Variants in SGCD observed in about 807,000 individuals in gnomAD.
SGCD encodes the protein delta-sarcoglycan.
Under a neutral mutation model 36.6 loss-of-function variants are expected in SGCD, and 18 were observed. The ratio of observed to expected loss-of-function variants is 0.49; its 90% CI spans 0.34 to 0.73. The LOEUF (loss-of-function observed/expected upper bound fraction) is 0.73. Among genes scored for constraint, SGCD ranks in the 30% least tolerant of loss-of-function variants. SGCD has a pLI of 0.01. For missense variants in SGCD, 387 were observed against 346.7 expected (o/e 1.12, Z -0.92); for synonymous variants, 133 against 130.6 (o/e 1.02, Z -0.12).
At chr5:155,796,779 C>T in the SGCD span, among the ~76,000 whole-genome samples, 2 of 116,340 alleles carry the variant, frequency 1.7e-5, no homozygotes, top group Middle Eastern at 0.013. Context: ...GCACTCCAGC[C>T]TGGGCAACAA....
chr5:156,470,631 T>TTTTTCTATCA (rs1695933801), intron 3 of SGCD, among the ~76,000 whole-genome samples: 1 of 152,138 alleles, frequency 6.6e-6, no homozygotes, highest in Non-Finnish European at 1.5e-5. Context: ...ACTGAGAATT[T>TTTTTCTATCA]TTTTCTATCA....
At chr5:156,600,937 T>C (rs530714881) in intron 6 of SGCD, among the ~76,000 whole-genome samples, 1 of 152,346 alleles carries the variant, frequency 6.6e-6, no homozygotes, top group Admixed American at 6.5e-5. Flanking sequence ...CATATTTTCA[T>C]ATACCTGTTG....
At chr5:156,597,865 C>G (rs1014609776) in intron 6 of SGCD, among the ~76,000 whole-genome samples, 25 of 152,140 alleles carry the variant, frequency 1.6e-4, no homozygotes, top group African/African-American at 6.0e-4. Context: ...ATTTTTATCA[C>G]CCCTGTTTTA....
chr5:156,584,084 C>T (rs905702678), intron 4 of SGCD, among the ~76,000 whole-genome samples: 2 of 152,168 alleles, frequency 1.3e-5, no homozygotes, highest in South Asian at 4.1e-4. Context: ...CAAAATTAAA[C>T]ATTTCTGTTC....
At chr5:156,427,607 G>A (rs1024497525) in intron 3 of SGCD, among the ~76,000 whole-genome samples, 1 of 152,034 alleles carries the variant, frequency 6.6e-6, no homozygotes, top group Non-Finnish European at 1.5e-5. Flanking sequence ...GCATCCTTGT[G>A]TTGTTCCATT....
intron 6 of SGCD, among the ~76,000 whole-genome samples, chr5:156,622,877 T>C (rs981340415): frequency 5.3e-5 from 8 of 152,144 alleles, no homozygotes; most frequent in Non-Finnish European, 1.0e-4. Flanking sequence ...AGGGTGACTT[T>C]TCTAGGTTTT....
At position 156,767,772 on chromosome 5, in the gene SGCD, G is replaced by T. The variant is rs1757620484; in HGVS notation, c.*8382G>T. 1 of 152,084 alleles carries T rather than the reference G, an allele frequency of 6.6e-6. No homozygotes were observed. Among genetic ancestry groups the T allele is most frequent in the Non-Finnish European group, 1.5e-5 (1 of 68,020 alleles). The allele number at this position is 152,084 out of a possible 1,614,324, so 9.4% of individuals were successfully genotyped here. A position where few individuals can be genotyped will look rare whatever the true frequency, so the allele number is the denominator to read the frequency against. ...TGTAAAATATATTAATAAAAATAAT[G>T]ATTGGTAAGAAGGAAAGCACCCTTG... On this transcript the variant is annotated 3_prime_UTR_variant, in exon 9 of 9. Coordinates refer to ENST00000337851, the MANE Select transcript of SGCD (RefSeq NM_000337.6).
intron 7 of SGCD, among the ~76,000 whole-genome samples, chr5:156,707,424 ACT>A (rs1328823853): frequency 6.6e-6 from 1 of 152,194 alleles, no homozygotes; most frequent in Non-Finnish European, 1.5e-5. Flanking sequence ...ATTTTAATGC[ACT>A]ATCAGATCTT....
chr5:156,388,688 G>T (rs182232771), intron 3 of SGCD, among the ~76,000 whole-genome samples: 1 of 152,290 alleles, frequency 6.6e-6, no homozygotes, highest in East Asian at 1.9e-4. Context: ...CAGCAATGTT[G>T]TGATTCTTCT....
At chr5:156,430,097 T>G (rs1197817782) in intron 3 of SGCD, among the ~76,000 whole-genome samples, 1 of 152,194 alleles carries the variant, frequency 6.6e-6, no homozygotes, top group Non-Finnish European at 1.5e-5. Context: ...TTTCTTCAAT[T>G]ACTTCCTCAA....
chr5:156,168,815 A>C (rs185748444), intron 3 of SGCD, among the ~76,000 whole-genome samples: 1 of 152,312 alleles, frequency 6.6e-6, no homozygotes, highest in East Asian at 1.9e-4. Flanking sequence ...GCTCTGAGAG[A>C]TAGAAGAGTA....
intron 1 of SGCD, among the ~76,000 whole-genome samples, chr5:155,919,282 T>C (rs1033889154): frequency 2.6e-5 from 4 of 152,234 alleles, no homozygotes; most frequent in Non-Finnish European, 5.9e-5. Flanking sequence ...TAGTACATGA[T>C]TGAGTTACGA....
chr5:156,552,274 G>C (rs1242231932), intron 4 of SGCD, among the ~76,000 whole-genome samples: 1 of 152,164 alleles, frequency 6.6e-6, no homozygotes, highest in Non-Finnish European at 1.5e-5. Flanking sequence ...TCTTCTTGGT[G>C]ACCAATTCAG....
At chr5:156,612,902 G>A (rs369112084) in intron 6 of SGCD, among the ~76,000 whole-genome samples, 22 of 152,286 alleles carry the variant, frequency 1.4e-4, no homozygotes, top group African/African-American at 5.1e-4. Context: ...AATTGCATTC[G>A]GGGCCTATAA....
chr5:156,507,644 G>A (rs1201573465), intron 3 of SGCD, among the ~76,000 whole-genome samples: 1 of 152,076 alleles, frequency 6.6e-6, no homozygotes, highest in Non-Finnish European at 1.5e-5. Flanking sequence ...AACGAATAGA[G>A]GAACACATTA....
At chr5:156,518,102 G>A (rs573511942) in intron 4 of SGCD, among the ~76,000 whole-genome samples, 2 of 152,082 alleles carry the variant, frequency 1.3e-5, no homozygotes, top group Non-Finnish European at 1.5e-5. Flanking sequence ...CCCATCTCAC[G>A]TGCAAAGACA....
intron 3 of SGCD, among the ~76,000 whole-genome samples, chr5:156,125,392 T>C (rs1363514976): frequency 6.6e-6 from 1 of 151,984 alleles, no homozygotes; most frequent in Non-Finnish European, 1.5e-5. Flanking sequence ...GTAAGTGTGG[T>C]GTATGCTCTT....
chr5:155,826,364 C>G, the SGCD span, among the ~76,000 whole-genome samples: 1 of 152,134 alleles, frequency 6.6e-6, no homozygotes, highest in Admixed American at 6.5e-5. Flanking sequence ...TTGAATCTTC[C>G]TGTAGTTTCT....
intron 6 of SGCD, among the ~76,000 whole-genome samples, chr5:156,602,240 C>T (rs776126955): frequency 1.3e-5 from 2 of 151,960 alleles, no homozygotes; most frequent in Non-Finnish European, 2.9e-5. Context: ...GATATTTTTT[C>T]AAATAGTTCA....
Sources: allele counts gnomAD v4.1 joint callset (sites outside exome capture counted in the v4.1 genomes callset), GRCh38; gene constraint gnomAD v4.1.1; transcripts MANE v1.5; gene names NCBI Gene and HGNC (gene_info 2026-07-23, HGNC 2026-07-21).